Variants in NRXN3 observed in about 807,000 individuals in gnomAD.
NRXN3 encodes neurexin III.
A neutral mutation model predicts 137.6 loss-of-function variants in NRXN3; 32 were observed. That is an observed-to-expected ratio of 0.23 (90% CI 0.18 to 0.31). The LOEUF is 0.31. Among genes scored for constraint, NRXN3 ranks in the 10% least tolerant of loss-of-function variants. The probability of loss-of-function intolerance (pLI) is 1.00; values close to 1 mark genes in which losing one functional copy is unlikely to be tolerated. For missense variants in NRXN3, 1,574 were observed against 2,062.5 expected, an observed-to-expected ratio of 0.76 and a Z score of 4.59; for synonymous variants, 798 against 784.5, an observed-to-expected ratio of 1.02 and a Z score of -0.29.
chr14:79,237,694 C>A (rs186016708), intron 15 of NRXN3, among the ~76,000 whole-genome samples: 20 of 152,248 alleles, frequency 1.3e-4, no homozygotes, highest in Admixed American at 1.1e-3. Context: ...CAAAGAGATA[C>A]AACTCATCCA....
At chr14:79,317,109 G>A (rs1380973826) in intron 15 of NRXN3, among the ~76,000 whole-genome samples, 2 of 152,080 alleles carry the variant, frequency 1.3e-5, no homozygotes, top group Admixed American at 6.5e-5. Flanking sequence ...GTGGGTGCCT[G>A]TAATCCCAGC....
At chr14:79,574,043 T>G (rs2097640764) in intron 16 of NRXN3, among the ~76,000 whole-genome samples, 2 of 152,138 alleles carry the variant, frequency 1.3e-5, no homozygotes, top group African/African-American at 4.8e-5. Context: ...TCATATTATA[T>G]TAAGGAAAAA....
chr14:79,070,569 G>A (rs1240734206), intron 15 of NRXN3, among the ~76,000 whole-genome samples: 1 of 152,106 alleles, frequency 6.6e-6, no homozygotes, highest in Non-Finnish European at 1.5e-5. Context: ...CTCTCCCTGT[G>A]TGTGTTTGAC....
chr14:78,714,232 C>T (rs1245509774), intron 7 of NRXN3, among the ~76,000 whole-genome samples: 1 of 152,016 alleles, frequency 6.6e-6, no homozygotes, highest in Non-Finnish European at 1.5e-5. Context: ...GTTGGTGAGC[C>T]CTTGAAGAAA....
At chr14:79,101,168 G>T (rs1179078124) in intron 15 of NRXN3, among the ~76,000 whole-genome samples, 1 of 152,168 alleles carries the variant, frequency 6.6e-6, no homozygotes, top group Non-Finnish European at 1.5e-5. Context: ...GCCTAGCCAG[G>T]AGCCATGTCG....
At chr14:79,326,979 A>T (rs2090981189) in intron 15 of NRXN3, among the ~76,000 whole-genome samples, 1 of 145,986 alleles carries the variant, frequency 6.8e-6, no homozygotes, top group African/African-American at 2.8e-5. Flanking sequence ...AACAAATTTA[A>T]AAAAAAGTGC....
chr14:78,858,325 T>C (rs920164652), intron 10 of NRXN3, among the ~76,000 whole-genome samples: 2 of 152,122 alleles, frequency 1.3e-5, no homozygotes, highest in Non-Finnish European at 2.9e-5. Flanking sequence ...AGCTATACCA[T>C]TGAATTATTG....
intron 4 of NRXN3, among the ~76,000 whole-genome samples, chr14:78,368,660 A>C (rs920192022): frequency 6.6e-6 from 1 of 152,188 alleles, no homozygotes; most frequent in Non-Finnish European, 1.5e-5. Flanking sequence ...ACACCATTGC[A>C]CTCCAGCCTG....
At chr14:79,097,634 C>A (rs1266002900) in intron 15 of NRXN3, among the ~76,000 whole-genome samples, 1 of 152,142 alleles carries the variant, frequency 6.6e-6, no homozygotes, top group African/African-American at 2.4e-5. Flanking sequence ...CTGGTTCATT[C>A]TGTGTTTCCT....
chr14:78,800,831 T>C (rs571765514), intron 8 of NRXN3, among the ~76,000 whole-genome samples: 2 of 152,330 alleles, frequency 1.3e-5, no homozygotes, highest in African/African-American at 4.8e-5. Flanking sequence ...CACTGTTACG[T>C]CTATCACCTA....
At chr14:78,657,924 C>A (rs1346992367) in intron 6 of NRXN3, among the ~76,000 whole-genome samples, 1 of 152,064 alleles carries the variant, frequency 6.6e-6, no homozygotes, top group East Asian at 1.9e-4. Context: ...CACTTAATTT[C>A]TTCTCTGGAT....
rs554513207 is a variant in NRXN3 at position 79,503,212 on chromosome 14, A to G, written c.3444+35810A>G. 2.6e-5 allele frequency among the ~76,000 whole-genome samples: 4 copies of G among 152,102 alleles called. No individual in the cohort carries two copies. The South Asian group carries it at 6.2e-4, about 24-fold the overall frequency. ...TCCCCTTTGTTGATTTCTGTTTTGT[A>G]TATCTTGTTGCGGGATATACATGGA... is the stretch of plus-strand genomic sequence containing the variant. On this transcript the variant is annotated intron_variant, in intron 16 of 20. Coordinates refer to ENST00000335750, the MANE Select transcript of NRXN3 (RefSeq NM_001330195.2).
chr14:79,837,806 T>C (rs1202790855), intron 20 of NRXN3, among the ~76,000 whole-genome samples: 2 of 152,194 alleles, frequency 1.3e-5, no homozygotes, highest in Non-Finnish European at 2.9e-5. Flanking sequence ...GAAGGCTGTT[T>C]AGGAGCTAAG....
At position 78,842,500 on chromosome 14, in the gene NRXN3, C is replaced by T. The variant is rs571135696; in HGVS notation, c.2275+32156C>T. On this transcript the variant is annotated intron_variant, in intron 10 of 20. Coordinates refer to ENST00000335750, the MANE Select transcript of NRXN3 (RefSeq NM_001330195.2). ...TATCACAAGGTAAATGGAGGCAGGG[C>T]GAGATCACAGGACCACAGGACTGGG... is the stretch of plus-strand genomic sequence containing the variant. 1.8e-3 allele frequency among the ~76,000 whole-genome samples: 273 copies of T among 152,066 alleles called. 1 individual carries two copies. The highest frequency in any genetic ancestry group is 3.3e-3 in the Non-Finnish European group (223 of 67,988).
At chr14:78,286,198 CA>C (rs2075156160) in intron 3 of NRXN3, among the ~76,000 whole-genome samples, 2 of 152,264 alleles carry the variant, frequency 1.3e-5, no homozygotes, top group South Asian at 4.1e-4. Context: ...CTGACCCTGC[CA>C]AATGGGCGGA....
intron 2 of NRXN3, among the ~76,000 whole-genome samples, chr14:78,277,020 C>T (rs967981136): frequency 9.2e-5 from 14 of 152,238 alleles, no homozygotes; most frequent in Admixed American, 3.3e-4. Context: ...CCTGAAGGGG[C>T]GGTGTGGCTG....
intron 10 of NRXN3, among the ~76,000 whole-genome samples, chr14:78,934,774 C>T (rs951953535): frequency 6.6e-6 from 1 of 151,196 alleles, no homozygotes; most frequent in Non-Finnish European, 1.5e-5. Context: ...AACACATGGA[C>T]ACAGGAAGGG....
chr14:78,240,038 C>T (rs1192589820), intron 1 of NRXN3, among the ~76,000 whole-genome samples: 1 of 152,232 alleles, frequency 6.6e-6, no homozygotes, highest in African/African-American at 2.4e-5. Context: ...TTCTCAAATA[C>T]TCTTTGTGGT....
At chr14:78,948,628 C>CTT (rs201010514) in intron 10 of NRXN3, among the ~76,000 whole-genome samples, 36 of 108,626 alleles carry the variant, frequency 3.3e-4, no homozygotes, top group East Asian at 7.4e-4. Context: ...ACACATTTAA[C>CTT]TTTTTTTTTT....
Sources: gnomAD v4.1 joint callset for allele counts (sites outside exome capture counted in the v4.1 genomes callset) on GRCh38, gnomAD v4.1.1 for gene constraint, MANE v1.5 for transcripts, NCBI Gene and HGNC (gene_info 2026-07-23, HGNC 2026-07-21) for gene names.